The following RFTN1 variants were observed in gnomAD, a reference collection of about 807,000 sequenced individuals.
RFTN1 encodes raftlin, lipid raft linker 1.
A neutral mutation model predicts 46.5 loss-of-function variants in RFTN1; 26 were observed. That is an observed-to-expected ratio of 0.56 (90% CI 0.41 to 0.78). The LOEUF is 0.78. Ranked by LOEUF, RFTN1 falls within the 30% of genes least tolerant of loss-of-function variation. RFTN1 has a pLI of 0.00. For synonymous variants in RFTN1, 261 were observed against 284.2 expected, an observed-to-expected ratio of 0.92 and a Z score of 0.82; for missense variants, 693 against 718.7, an observed-to-expected ratio of 0.96 and a Z score of 0.41.
chr3:16,391,311 A>G (rs1448907019), intron 4 of RFTN1, among the ~76,000 whole-genome samples: 1 of 152,260 alleles, frequency 6.6e-6, no homozygotes, highest in Non-Finnish European at 1.5e-5. Flanking sequence ...TGAATTATTA[A>G]AATACTTGAC....
At chr3:16,454,346 C>A (rs1242461897) in intron 2 of RFTN1, among the ~76,000 whole-genome samples, 1 of 152,200 alleles carries the variant, frequency 6.6e-6, no homozygotes, top group African/African-American at 2.4e-5. Context: ...GGTGAGCACA[C>A]CTGCATCAGG....
At position 16,474,767 on chromosome 3, in the gene RFTN1, C is replaced by G. The variant is rs976286175; in HGVS notation, c.145+18958G>C. Among the ~76,000 whole-genome samples, 2 of 152,192 alleles carry G rather than the reference C, an allele frequency of 1.3e-5. No individual in the cohort carries two copies. Among genetic ancestry groups the G allele is most frequent in the Admixed American group, 6.5e-5 (1 of 15,286 alleles). On this transcript the variant is annotated intron_variant, in intron 2 of 9. Transcript: ENST00000334133. The surrounding 1 kb of genome is among the most constrained non-coding windows in gnomAD (Gnocchi z 5.5). ...TGTTAGCCCAACATTCCCCATGGAGCCAGTTGGGAGATGACATCTTGACAA... is the reference window on the plus strand; with the variant it reads ...TGTTAGCCCAACATTCCCCATGGAGGCAGTTGGGAGATGACATCTTGACAA...
intron 2 of RFTN1, among the ~76,000 whole-genome samples, chr3:16,439,879 T>C (rs1249031230): frequency 6.6e-6 from 1 of 151,916 alleles, no homozygotes; most frequent in Non-Finnish European, 1.5e-5. Flanking sequence ...GAGAGAAAAC[T>C]AACGTTTTAA....
chr3:16,319,583 G>T (rs146809523), intron 9 of RFTN1, among the ~76,000 whole-genome samples: 6 of 152,160 alleles, frequency 3.9e-5, no homozygotes, highest in Non-Finnish European at 8.8e-5. Flanking sequence ...CATCTAATAT[G>T]AGCCCAGATA....
rs1456147369 is a variant in RFTN1 at position 16,473,590 on chromosome 3, A to G, written c.145+20135T>C. On this transcript the variant is annotated intron_variant, in intron 2 of 9. Coordinates refer to ENST00000334133, the MANE Select transcript of RFTN1 (RefSeq NM_015150.2). This position sits in a 1 kb window ranked among gnomAD's most constrained non-coding sequence, Gnocchi z 5.3. ...TAATTTTTTTGTATTTTTTTTTAGT[A>G]GAAACGGAGTTTCACCGTGTTGCCC... 6.6e-5 allele frequency among the ~76,000 whole-genome samples: 10 copies of G among 151,794 alleles called. No individual in the cohort carries two copies. Among genetic ancestry groups the G allele is most frequent in the Admixed American group, 6.6e-4 (10 of 15,262 alleles).
chr3:16,408,890 C>G (rs2074923198), intron 4 of RFTN1, among the ~76,000 whole-genome samples: 1 of 152,188 alleles, frequency 6.6e-6, no homozygotes, highest in African/African-American at 2.4e-5. Flanking sequence ...GTAGACCCTA[C>G]AGTTAGGCAC....
rs2075801626 is a variant in RFTN1, at chr3:16,450,272, CTCTG to C, written c.146-16239_146-16236del. 6.6e-6 allele frequency among the ~76,000 whole-genome samples: 1 copy of C among 152,196 alleles called. No homozygotes were observed. The highest frequency in any genetic ancestry group is 1.5e-5 in the Non-Finnish European group (1 of 68,036). On this transcript the variant is annotated intron_variant, in intron 2 of 9. Coordinates refer to ENST00000334133, the MANE Select transcript of RFTN1 (RefSeq NM_015150.2). This position sits in a 1 kb window ranked among gnomAD's most constrained non-coding sequence, Gnocchi z 4.6. ...CACCTCAGGCCTGCCTTGCTTGCAG[CTCTG>C]TCTGGGAGCATTTCAGGCAAAACAT...
At chr3:16,435,028 A>G (rs1440349109) in intron 2 of RFTN1, among the ~76,000 whole-genome samples, 3 of 152,242 alleles carry the variant, frequency 2.0e-5, no homozygotes, top group Non-Finnish European at 4.4e-5. Context: ...GAGAAGGGCA[A>G]ACAACGTTCA....
In RFTN1 at chr3:16,413,047, C is replaced by T. The variant is rs192658580; in HGVS notation, c.333-3564G>A. 9.2e-5 allele frequency among the ~76,000 whole-genome samples: 14 copies of T among 152,186 alleles called. No individual in the cohort carries two copies. Among genetic ancestry groups the T allele is most frequent in the African/African-American group, 1.7e-4 (7 of 41,432 alleles). ...TACAGAAACCATATGATAATAAATA[C>T]GTACCATTTTGAACCATGAAATGTG... On this transcript the variant is annotated intron_variant, in intron 3 of 9. Coordinates refer to ENST00000334133, the MANE Select transcript of RFTN1 (RefSeq NM_015150.2). This position sits in a 1 kb window ranked among gnomAD's most constrained non-coding sequence, Gnocchi z 4.7.
rs569198530 is a variant in RFTN1 at position 16,373,085 on chromosome 3, A to G, written c.827-2806T>C. On this transcript the variant is annotated intron_variant, in intron 5 of 9. Coordinates refer to ENST00000334133, the MANE Select transcript of RFTN1 (RefSeq NM_015150.2). ...ATCCTCACGTGAGCAAGCACCAAAG[A>G]TTCCAAAAAGAAGCCCCACGTTTGT... Among the ~76,000 whole-genome samples, 17 of 152,314 alleles carry G rather than the reference A, an allele frequency of 1.1e-4. No homozygotes were observed. The South Asian group carries it at 1.7e-3, about 15-fold the overall frequency.
rs1309475401 is a variant in RFTN1, at chr3:16,450,447, C to T, written c.146-16410G>A. On this transcript the variant is annotated intron_variant, in intron 2 of 9. Coordinates refer to ENST00000334133, the MANE Select transcript of RFTN1 (RefSeq NM_015150.2). This position sits in a 1 kb window ranked among gnomAD's most constrained non-coding sequence, Gnocchi z 4.6. Reference sequence around the variant, plus strand: ...GCAGGTAGGATAAGAGCCTGAGGCCCATCCAAGGGCTCTCTCCCACTGCAC... The same window carrying T: ...GCAGGTAGGATAAGAGCCTGAGGCCTATCCAAGGGCTCTCTCCCACTGCAC... 3.3e-5 allele frequency among the ~76,000 whole-genome samples: 5 copies of T among 152,188 alleles called. No individual in the cohort carries two copies. Among genetic ancestry groups the T allele is most frequent in the African/African-American group, 1.2e-4 (5 of 41,450 alleles).
intron 1 of RFTN1, among the ~76,000 whole-genome samples, chr3:16,494,079 G>A (rs1410830486): frequency 2.0e-5 from 3 of 152,120 alleles, no homozygotes; most frequent in Non-Finnish European, 4.4e-5. Context: ...CTTCTGCTAA[G>A]ATACTATTAC....
Position 16,468,612 on chromosome 3 carries a change from G to A in RFTN1, c.145+25113C>T, listed in dbSNP as rs1173974732. Among the ~76,000 whole-genome samples, 8 of 142,460 alleles carry A rather than the reference G, an allele frequency of 5.6e-5. No individual in the cohort carries two copies. The highest frequency in any genetic ancestry group is 1.0e-4 in the Non-Finnish European group (7 of 66,778). 93.5% of individuals were successfully genotyped at this position (142,460 alleles called of 152,430 possible). A position where few individuals can be genotyped will look rare whatever the true frequency, so the allele number is the denominator to read the frequency against. ...GGGAGAGGCTGACGCATTTCCTCACGTACAACCCAGCGTTTGAGTAAAAAA... is the reference window on the plus strand; with the variant it reads ...GGGAGAGGCTGACGCATTTCCTCACATACAACCCAGCGTTTGAGTAAAAAA... On this transcript the variant is annotated intron_variant, in intron 2 of 9. Coordinates refer to ENST00000334133, the MANE Select transcript of RFTN1 (RefSeq NM_015150.2). The surrounding 1 kb of genome is among the most constrained non-coding windows in gnomAD (Gnocchi z 4.4).
intron 4 of RFTN1, among the ~76,000 whole-genome samples, chr3:16,391,714 C>G (rs141813107): frequency 6.6e-6 from 1 of 152,208 alleles, no homozygotes; most frequent in East Asian, 1.9e-4. Flanking sequence ...CACCGAAACG[C>G]AGCACACCAC....
intron 4 of RFTN1, among the ~76,000 whole-genome samples, chr3:16,401,558 T>C (rs554083819): frequency 2.0e-5 from 3 of 152,326 alleles, no homozygotes; most frequent in African/African-American, 4.8e-5. Flanking sequence ...TCTCAAAGCA[T>C]GCTCTTCCCC....
rs563473219 is a variant in RFTN1, at chr3:16,491,011, C to A, written c.145+2714G>T. Among the ~76,000 whole-genome samples, 7 of 152,270 alleles carry A rather than the reference C, an allele frequency of 4.6e-5. No homozygotes were observed. In the East Asian group the frequency reaches 1.4e-3, roughly 29 times the overall value. On this transcript the variant is annotated intron_variant, in intron 2 of 9. Coordinates refer to ENST00000334133, the MANE Select transcript of RFTN1 (RefSeq NM_015150.2). ...ATAAAAGAGAGAAAATCCCTGCACT[C>A]ATGGGAAGGGATTCTCTCTTCTAAT... is the stretch of plus-strand genomic sequence containing the variant.
chr3:16,503,586 G>A (rs965633385), intron 1 of RFTN1, among the ~76,000 whole-genome samples: 16 of 152,082 alleles, frequency 1.1e-4, no homozygotes, highest in African/African-American at 3.6e-4. Context: ...TCTCCTAATA[G>A]CCAGGACTCA....
In RFTN1 at chr3:16,409,364, GT is replaced by G; in HGVS notation, c.441+10del. On this transcript the variant is annotated intron_variant, in intron 4 of 9. Transcript: ENST00000334133. ...AAACCTCTTCAATGGTACCCTGACT[GT>G]AGCGCTCACCTTCTTAATGAACTCT... 1 of 1,563,868 alleles carries G rather than the reference GT, an allele frequency of 6.4e-7. No homozygotes were observed. Among genetic ancestry groups the G allele is most frequent in the Non-Finnish European group, 8.8e-7 (1 of 1,134,534 alleles).
Position 16,474,240 on chromosome 3 carries a change from T to C in RFTN1, c.145+19485A>G, listed in dbSNP as rs2076246256. On this transcript the variant is annotated intron_variant, in intron 2 of 9. Coordinates refer to ENST00000334133, the MANE Select transcript of RFTN1 (RefSeq NM_015150.2). The surrounding 1 kb of genome is among the most constrained non-coding windows in gnomAD (Gnocchi z 5.5). Reference sequence around the variant, plus strand: ...ATACTGCATTTTACAGATAAGAAACTCAGACTCACAGGGCCTAAGTAACTC... The same window carrying C: ...ATACTGCATTTTACAGATAAGAAACCCAGACTCACAGGGCCTAAGTAACTC... Among the ~76,000 whole-genome samples the C allele has an allele frequency of 1.3e-5, 2 of 152,178 alleles. No homozygotes were observed. Among genetic ancestry groups the C allele is most frequent in the Admixed American group, 1.3e-4 (2 of 15,274 alleles).
Sources: allele counts gnomAD v4.1 joint callset (sites outside exome capture counted in the v4.1 genomes callset), GRCh38; gene constraint gnomAD v4.1.1; non-coding constraint Gnocchi (gnomAD v3.1); transcripts MANE v1.5; gene names NCBI Gene and HGNC (gene_info 2026-07-23, HGNC 2026-07-21).